Variants in EMC10 observed in about 807,000 individuals in gnomAD.
EMC10 encodes the protein UPF0510 protein INM02.
Under a neutral mutation model 32.2 loss-of-function variants are expected in EMC10, and 40 were observed. The ratio of observed to expected loss-of-function variants is 1.24; its 90% confidence interval spans 0.96 to 1.61. The LOEUF (loss-of-function observed/expected upper bound fraction) is 1.61. Ranked by LOEUF, EMC10 falls within the 40% of genes most tolerant of loss-of-function variation. The probability of loss-of-function intolerance (pLI) is 0.00; values close to 1 mark genes in which losing one functional copy is unlikely to be tolerated. For synonymous variants in EMC10, 178 were observed against 158.4 expected (o/e 1.12, Z -0.93); for missense variants, 402 against 357.7 (o/e 1.12, Z -1.00).
chr19:50,477,083 T>G, intron 1 of EMC10: 1 of 141,474 alleles, frequency 7.1e-6, no homozygotes, highest in African/African-American at 3.2e-5. Context: ...TAGCGAGCCC[T>G]GTCTCTACAA....
At chr19:50,478,039 T>G (rs1331779592) in intron 2 of EMC10, 38 bp downstream of exon 2, 1 of 1,539,704 alleles carries the variant, frequency 6.5e-7, no homozygotes. Flanking sequence ...CACTTAACAT[T>G]GGTGCCCTGA....
chr19:50,478,260 C>T (rs1006563435), intron 2 of EMC10, among the ~76,000 whole-genome samples: 1 of 152,210 alleles, frequency 6.6e-6, no homozygotes, highest in Admixed American at 6.5e-5. Context: ...TCAGTCGCCA[C>T]GTGCCCAGCA....
chr19:50,477,959 T>C lies in EMC10; in HGVS notation c.145T>C (p.Cys49Arg). 2.5e-6 allele frequency: 4 copies of C among 1,601,952 alleles called. No individual in the cohort carries two copies. The highest frequency in any genetic ancestry group is 3.4e-6 in the Non-Finnish European group (4 of 1,176,166). Residue 49 changes from cysteine (C) to arginine (R), a missense_variant, in exon 2 of 7, where the codon TGT becomes CGT. Coordinates refer to ENST00000334976, the MANE Select transcript of EMC10 (RefSeq NM_206538.4). ...AGAEGREGEACGTVGLLLEHS... is the reference protein window; with the variant it reads ...AGAEGREGEARGTVGLLLEHS... Reference sequence around the variant, plus strand: ...GGCGGAAGGTCGAGAGGGCGAGGCCTGTGGCACGGTGGGGCTGCTGCTGGA... The same window carrying C: ...GGCGGAAGGTCGAGAGGGCGAGGCCCGTGGCACGGTGGGGCTGCTGCTGGA...
chr19:50,489,801 AACAGGAG>A lies in EMC10; in HGVS notation c.*7547_*7553del, dbSNP rs1978545535. 3 of 153,574 alleles carry A rather than the reference AACAGGAG, an allele frequency of 2.0e-5. No homozygotes were observed. The highest frequency in any genetic ancestry group is 7.2e-5 in the African/African-American group (3 of 41,414). 9.5% of individuals were successfully genotyped at this position (153,574 alleles called of 1,614,324 possible). A position where few individuals can be genotyped will look rare whatever the true frequency, so the allele number is the denominator to read the frequency against. On this transcript the variant is annotated 3_prime_UTR_variant, in exon 7 of 7. Transcript: ENST00000334976. ...AGGGAAGGAGCTGGAGGGGCGGGAG[AACAGGAG>A]ACAGAACAGGACAGAGACAGCTGCC...
At position 50,482,367 on chromosome 19, in the gene EMC10, T is replaced by A; in HGVS notation, c.*108T>A. 1.6e-6 allele frequency: 1 copy of A among 619,136 alleles called. No homozygotes were observed. The allele number at this position is 619,136 out of a possible 1,614,324, so 38.4% of individuals were successfully genotyped here. On this transcript the variant is annotated 3_prime_UTR_variant, in exon 7 of 7. Coordinates refer to ENST00000334976, the MANE Select transcript of EMC10 (RefSeq NM_206538.4). ...AAGAAGGGTTTGCTGGTCCCTCCTT[T>A]CCCCCCGTCCCACGAGGCCACCTGG... is the stretch of plus-strand genomic sequence containing the variant.
chr19:50,480,137 C>G lies in EMC10; in HGVS notation c.324C>G (p.Tyr108Ter), dbSNP rs770450151. The G allele has an allele frequency of 1.2e-6, 2 of 1,612,460 alleles. No individual in the cohort carries two copies. The highest frequency in any genetic ancestry group is 2.2e-5 in the East Asian group (1 of 44,850). ...ATGTGGCAGCCCTGAATGGCCTGTA[C>G]CGGGTCCGGATCCCAAGGCGACCCG... is the stretch of plus-strand genomic sequence containing the variant. ...LRDVAALNGLYRVRIPRRPGA... is the reference protein window; with the variant it reads ...LRDVAALNGL Residue 108 changes from tyrosine (Y) to a stop codon, truncating the protein, a stop_gained, in exon 4 of 7, where the codon TAC becomes TAG. Transcript: ENST00000334976. LOFTEE classifies it high-confidence loss of function. This position sits in a 1 kb window ranked among gnomAD's most constrained non-coding sequence, Gnocchi z 4.4.
At position 50,482,174 on chromosome 19, in the gene EMC10, T is replaced by C; in HGVS notation, c.704T>C (p.Leu235Pro). Residue 235 changes from leucine (L) to proline (P), a missense_variant, in exon 7 of 7, where the codon CTG (leucine) becomes CCG (proline). Coordinates refer to ENST00000334976, the MANE Select transcript of EMC10 (RefSeq NM_206538.4). ...KYWMYIIPVV[L>P]FLMMSGAPDT... ...TGGATGTACATCATTCCCGTCGTCC[T>C]GTTCCTCATGATGTCAGGAGCGCCA... 1 of 1,557,162 alleles carries C rather than the reference T, an allele frequency of 6.4e-7. No individual in the cohort carries two copies. The highest frequency in any genetic ancestry group is 2.5e-5 in the East Asian group (1 of 39,910).
At chr19:50,477,607 AAAAG>A (rs2040248617) in intron 1 of EMC10, among the ~76,000 whole-genome samples, 1 of 152,196 alleles carries the variant, frequency 6.6e-6, no homozygotes, top group Non-Finnish European at 1.5e-5. Flanking sequence ...ATTAGCATGA[AAAAG>A]AAGGCTTGGG....
At chr19:50,481,780 TC>T in intron 6 of EMC10, 1 of 1,279,174 alleles carries the variant, frequency 7.8e-7, no homozygotes. Context: ...TGCTGCCCAC[TC>T]GAGCGCCCTC....
rs1299590299 is a variant in EMC10 at position 50,486,407 on chromosome 19, C to T, written c.*4148C>T. On this transcript the variant is annotated 3_prime_UTR_variant, in exon 7 of 7. Coordinates refer to ENST00000334976, the MANE Select transcript of EMC10 (RefSeq NM_206538.4). ...GTTTCACCATGTTGGCCAGGCTGGT[C>T]TTGAACTCCTGACCTCAAGCGATCC... The T allele has an allele frequency of 1.3e-5, 2 of 152,188 alleles. No homozygotes were observed. Among genetic ancestry groups the T allele is most frequent in the Non-Finnish European group, 2.9e-5 (2 of 68,064 alleles). The allele number at this position is 152,188 out of a possible 1,614,324, so 9.4% of individuals were successfully genotyped here. A position where few individuals can be genotyped will look rare whatever the true frequency, so the allele number is the denominator to read the frequency against.
At position 50,490,487 on chromosome 19, in the gene EMC10, C is replaced by T. The variant is rs947945302; in HGVS notation, c.*8228C>T. 1.3e-5 allele frequency: 2 copies of T among 152,256 alleles called. No individual in the cohort carries two copies. Among genetic ancestry groups the T allele is most frequent in the South Asian group, 2.1e-4 (1 of 4,824 alleles). 9.4% of individuals were successfully genotyped at this position (152,256 alleles called of 1,614,324 possible). On this transcript the variant is annotated 3_prime_UTR_variant, in exon 7 of 7. Transcript: ENST00000334976. ...ACGCGGAGGGACGTGGGAACCCATCCCGGTGAAGCGGCAGCGTCACGTCCT... is the reference window on the plus strand; with the variant it reads ...ACGCGGAGGGACGTGGGAACCCATCTCGGTGAAGCGGCAGCGTCACGTCCT...
rs1249607960 is a variant in EMC10 at position 50,490,075 on chromosome 19, C to T, written c.*7816C>T. 3.9e-5 allele frequency: 5 copies of T among 127,248 alleles called. No individual in the cohort carries two copies. The highest frequency in any genetic ancestry group is 6.7e-5 in the Non-Finnish European group (4 of 60,136). The allele number at this position is 127,248 out of a possible 1,614,324, so 7.9% of individuals were successfully genotyped here. ...CATTGCCCTCCCACCCCGCCCCCAA[C>T]CCCATAACTGAAAACAAGTAGGAAC... is the stretch of plus-strand genomic sequence containing the variant. On this transcript the variant is annotated 3_prime_UTR_variant, in exon 7 of 7. Transcript: ENST00000334976.
chr19:50,490,026 T>G lies in EMC10; in HGVS notation c.*7767T>G, dbSNP rs1978554490. The G allele has an allele frequency of 6.6e-6, 1 of 152,188 alleles. No homozygotes were observed. The highest frequency in any genetic ancestry group is 1.5e-5 in the Non-Finnish European group (1 of 68,098). The allele number at this position is 152,188 out of a possible 1,614,324, so 9.4% of individuals were successfully genotyped here. On this transcript the variant is annotated 3_prime_UTR_variant, in exon 7 of 7. Coordinates refer to ENST00000334976, the MANE Select transcript of EMC10 (RefSeq NM_206538.4). The stretch of plus-strand genomic sequence containing the variant: ...AGAAAGCAAAGCAAGACCAGACTCC[T>G]CATCCGGTAACACTGTGTCAGGTCA...
In EMC10 at chr19:50,481,715, G is replaced by C. The variant is rs753132577; in HGVS notation, c.679-434G>C. The C allele has an allele frequency of 4.0e-4, 267 of 660,178 alleles. 2 individuals are homozygous for C. The highest frequency in any genetic ancestry group is 3.8e-4 in the Non-Finnish European group (152 of 395,532). The allele number at this position is 660,178 out of a possible 1,614,324, so 40.9% of individuals were successfully genotyped here. On this transcript the variant is annotated intron_variant, in intron 6 of 6. Coordinates refer to ENST00000334976, the MANE Select transcript of EMC10 (RefSeq NM_206538.4). The stretch of plus-strand genomic sequence containing the variant: ...GCTCCGCCTGGATAGTCCAACAGTT[G>C]TGCTGCAGGGAACTGAGGCCCAGAG...
chr19:50,482,092 C>G, intron 6 of EMC10, 57 bp from the exon 7 acceptor site: 1 of 1,396,662 alleles, frequency 7.2e-7, no homozygotes, highest in Non-Finnish European at 1.0e-6. Flanking sequence ...ACACTCACCT[C>G]CTTCCCCTCT....
chr19:50,483,210 T>C lies in EMC10; in HGVS notation c.*951T>C. 2.3e-6 allele frequency: 1 copy of C among 435,200 alleles called. No individual in the cohort carries two copies. Among genetic ancestry groups the C allele is most frequent in the South Asian group, 1.6e-5 (1 of 61,866 alleles). The allele number at this position is 435,200 out of a possible 1,614,324, so 27.0% of individuals were successfully genotyped here. ...TTGTTTTGGCAAGACGGTCCTGATG[T>C]ACAAGCTTGATTGAAATTCACTGCT... is the stretch of plus-strand genomic sequence containing the variant. On this transcript the variant is annotated 3_prime_UTR_variant, in exon 7 of 7. Coordinates refer to ENST00000334976, the MANE Select transcript of EMC10 (RefSeq NM_206538.4).
At chr19:50,481,670 C>G in intron 6 of EMC10, 1 of 581,552 alleles carries the variant, frequency 1.7e-6, no homozygotes, top group Non-Finnish European at 3.0e-6. Flanking sequence ...TGCTGAGTGC[C>G]CTGCCTGAGG....
intron 1 of EMC10, chr19:50,477,035 T>G (rs1435297974): frequency 4.9e-5 from 9 of 185,244 alleles, no homozygotes; most frequent in Non-Finnish European, 9.9e-5. Flanking sequence ...GCGGGAGGAT[T>G]GCTCTAGGCC....
In EMC10 at chr19:50,490,722, C is replaced by G. The variant is rs1480137904; in HGVS notation, c.*8463C>G. The G allele has an allele frequency of 1.3e-5, 2 of 152,142 alleles. No individual in the cohort carries two copies. The highest frequency in any genetic ancestry group is 4.8e-5 in the African/African-American group (2 of 41,394). The allele number at this position is 152,142 out of a possible 1,614,324, so 9.4% of individuals were successfully genotyped here. The stretch of plus-strand genomic sequence containing the variant: ...CACGCAGAGCAGGGGCGTGAGGGAG[C>G]AGGCAAGCAGGGAAGGGAAAGACAA... On this transcript the variant is annotated 3_prime_UTR_variant, in exon 7 of 7. Coordinates refer to ENST00000334976, the MANE Select transcript of EMC10 (RefSeq NM_206538.4).
Sources: allele counts gnomAD v4.1 joint callset (sites outside exome capture counted in the v4.1 genomes callset), GRCh38; gene constraint gnomAD v4.1.1; non-coding constraint Gnocchi (gnomAD v3.1); transcripts MANE v1.5; gene names NCBI Gene and HGNC (gene_info 2026-07-23, HGNC 2026-07-21).